RCHY1: variants seen among roughly 807,000 people sequenced by gnomAD.
RCHY1 encodes the protein RING finger and CHY zinc finger domain-containing protein 1.
In RCHY1, 21 loss-of-function variants were observed where a neutral mutation model predicts 41.6. That is an observed-to-expected ratio of 0.51 (90% CI 0.36 to 0.73). The LOEUF is 0.73. Among genes scored for constraint, RCHY1 ranks in the 30% least tolerant of loss-of-function variants. The pLI is 0.00. For missense variants in RCHY1, 265 were observed against 325.3 expected (o/e 0.81, Z 1.43); for synonymous variants, 79 against 102.9 (o/e 0.77, Z 1.41).
rs1013452174 is a variant in RCHY1, at chr4:75,496,544, C to T, written c.327-2365G>A. On this transcript the variant is annotated intron_variant, in intron 3 of 8. Transcript: ENST00000324439. ...TAAAGAATGAGAACAGTACTACTCA[C>T]ACATGGCTAGGAACAGTGCCTGATC... Among the ~76,000 whole-genome samples, 6 of 152,244 alleles carry T rather than the reference C, an allele frequency of 3.9e-5. No individual in the cohort carries two copies. The East Asian group carries it at 9.6e-4, about 24-fold the overall frequency.
At chr4:75,508,096 A>G (rs1277261634) in intron 3 of RCHY1, among the ~76,000 whole-genome samples, 1 of 149,752 alleles carries the variant, frequency 6.7e-6, no homozygotes, top group East Asian at 1.9e-4. Flanking sequence ...TTTTAAAAAA[A>G]CAAAAAAAAC....
At chr4:75,488,135 T>A (rs1367452456) in intron 8 of RCHY1, among the ~76,000 whole-genome samples, 1 of 151,810 alleles carries the variant, frequency 6.6e-6, no homozygotes, top group Non-Finnish European at 1.5e-5. Flanking sequence ...AACCTTTGTG[T>A]TATATTTTTA....
Position 75,479,532 on chromosome 4 carries a change from A to G in RCHY1, c.*3006T>C, listed in dbSNP as rs1721365217. On this transcript the variant is annotated 3_prime_UTR_variant, in exon 9 of 9. Transcript: ENST00000324439. Reference sequence around the variant, plus strand: ...TTGATTTTAAAATCCATGACACTATAAACAAACTACTACTTCCAACATAAG... The same window carrying G: ...TTGATTTTAAAATCCATGACACTATGAACAAACTACTACTTCCAACATAAG... 2 of 152,252 alleles carry G rather than the reference A, an allele frequency of 1.3e-5. No individual in the cohort carries two copies. The highest frequency in any genetic ancestry group is 4.1e-4 in the South Asian group (2 of 4,824). The allele number at this position is 152,252 out of a possible 1,614,324, so 9.4% of individuals were successfully genotyped here.
At position 75,514,271 on chromosome 4, in the gene RCHY1, G is replaced by T; in HGVS notation, c.16C>A (p.Arg6=). 1 of 1,612,362 alleles carries T rather than the reference G, an allele frequency of 6.2e-7. No individual in the cohort carries two copies. The highest frequency in any genetic ancestry group is 8.5e-7 in the Non-Finnish European group (1 of 1,178,622). Residue 6 remains arginine, a synonymous_variant, in exon 1 of 9, where the codon CGG becomes AGG. Coordinates refer to ENST00000324439, the MANE Select transcript of RCHY1 (RefSeq NM_015436.4). MAATA[R]EDGASGQERG... Reference sequence around the variant, plus strand: ...TCTTGACCGCTGGCGCCATCTTCCCGGGCCGTCGCCGCCATCTCCTCCACC... The same window carrying T: ...TCTTGACCGCTGGCGCCATCTTCCCTGGCCGTCGCCGCCATCTCCTCCACC...
chr4:75,511,151 G>A (rs1308132799), intron 1 of RCHY1, among the ~76,000 whole-genome samples: 1 of 152,124 alleles, frequency 6.6e-6, no homozygotes, highest in African/African-American at 2.4e-5. Flanking sequence ...TTTTACTCAT[G>A]CATTGGTCAT....
Position 75,480,167 on chromosome 4 carries a change from C to T in RCHY1, c.*2371G>A, listed in dbSNP as rs1042020555. ...TACCGAAGCCTAGAGACTTTGAGTA[C>T]ATTTGAAAATTGCTTTAAGTGCATG... On this transcript the variant is annotated 3_prime_UTR_variant, in exon 9 of 9. Transcript: ENST00000324439. 6.6e-6 allele frequency: 1 copy of T among 152,100 alleles called. No homozygotes were observed. The highest frequency in any genetic ancestry group is 1.5e-5 in the Non-Finnish European group (1 of 68,022). 9.4% of individuals were successfully genotyped at this position (152,100 alleles called of 1,614,324 possible).
At chr4:75,500,517 C>T (rs1221818735) in intron 3 of RCHY1, among the ~76,000 whole-genome samples, 1 of 152,194 alleles carries the variant, frequency 6.6e-6, no homozygotes, top group Non-Finnish European at 1.5e-5. Context: ...CAAAGATTAT[C>T]TATAACTATA....
intron 3 of RCHY1, among the ~76,000 whole-genome samples, chr4:75,505,589 T>A (rs977233760): frequency 2.6e-5 from 4 of 151,968 alleles, no homozygotes; most frequent in African/African-American, 9.7e-5. Context: ...ATAGGATGAA[T>A]CTTAGAAACA....
intron 2 of RCHY1, 47 bp from the exon 3 acceptor site, chr4:75,508,982 A>G: frequency 2.9e-6 from 4 of 1,379,734 alleles, no homozygotes; most frequent in Non-Finnish European, 4.0e-6. Flanking sequence ...AAACATTTTG[A>G]GTTACCATTT....
chr4:75,501,436 A>T (rs1259951379), intron 3 of RCHY1, among the ~76,000 whole-genome samples: 1 of 152,244 alleles, frequency 6.6e-6, no homozygotes, highest in East Asian at 1.9e-4. Flanking sequence ...TTTTTTAAAA[A>T]TCAAAAGAAC....
chr4:75,497,227 T>G (rs558530556), intron 3 of RCHY1, among the ~76,000 whole-genome samples: 2 of 152,256 alleles, frequency 1.3e-5, no homozygotes, highest in African/African-American at 4.8e-5. Context: ...CTAACATACA[T>G]GTGTTCAGTT....
At chr4:75,514,533 A>G (rs569380332), upstream of RCHY1, 2 of 418,518 alleles carry the variant, frequency 4.8e-6, no homozygotes, top group Admixed American at 7.5e-5. Context: ...AATAACTCTT[A>G]GGTTGCCTGT....
At chr4:75,484,885 G>C (rs572351221) in intron 8 of RCHY1, among the ~76,000 whole-genome samples, 25 of 151,558 alleles carry the variant, frequency 1.6e-4, no homozygotes, top group African/African-American at 5.8e-4. Flanking sequence ...AAAAAAAAAA[G>C]TGCATTTGAA....
chr4:75,502,014 G>C (rs752910850), intron 3 of RCHY1, among the ~76,000 whole-genome samples: 26 of 152,100 alleles, frequency 1.7e-4, no homozygotes, highest in Non-Finnish European at 2.4e-4. Flanking sequence ...AGAGGTTGCG[G>C]TGAGCCAAGA....
intron 3 of RCHY1, among the ~76,000 whole-genome samples, chr4:75,506,691 C>A (rs1222746990): frequency 6.6e-6 from 1 of 150,464 alleles, no homozygotes. Context: ...GGGATGGAGT[C>A]TCAGAAGAGG....
At chr4:75,500,066 G>C (rs1195232049) in intron 3 of RCHY1, among the ~76,000 whole-genome samples, 1 of 152,084 alleles carries the variant, frequency 6.6e-6, no homozygotes, top group African/African-American at 2.4e-5. Context: ...ACATAAACCT[G>C]GGAGGTCAAG....
In RCHY1 at chr4:75,489,548, A is replaced by AGATACTGCAGATT. The variant is rs1553917977; in HGVS notation, c.657+1032_657+1033insAATCTGCAGTATC. Among the ~76,000 whole-genome samples, 592 of 151,634 alleles carry AGATACTGCAGATT rather than the reference A, an allele frequency of 3.9e-3. 1 individual carries two copies. The highest frequency in any genetic ancestry group is 0.014 in the African/African-American group (573 of 41,360). On this transcript the variant is annotated intron_variant, in intron 8 of 8. Coordinates refer to ENST00000324439, the MANE Select transcript of RCHY1 (RefSeq NM_015436.4). Reference sequence around the variant, plus strand: ...GAATTGACTGGATTGCCTTGGTCAAAGATATTGCAGATTGATGGTAATCAG... The same window carrying AGATACTGCAGATT: ...GAATTGACTGGATTGCCTTGGTCAAAGATACTGCAGATTGATATTGCAGATTGATGGTAATCAG...
chr4:75,491,960 C>CA (rs766699336), intron 4 of RCHY1, 27 bp from the exon 5 acceptor site: 126 of 1,549,686 alleles, frequency 8.1e-5, no homozygotes, highest in Non-Finnish European at 1.0e-4. Flanking sequence ...TTCACATTAA[C>CA]AAAAGCTTAA....
chr4:75,506,198 C>G (rs1207639412), intron 3 of RCHY1, among the ~76,000 whole-genome samples: 1 of 150,222 alleles, frequency 6.7e-6, no homozygotes, highest in Non-Finnish European at 1.5e-5. Context: ...GTTATCCATC[C>G]CTACATTAAC....
Sources: allele counts gnomAD v4.1 joint callset (sites outside exome capture counted in the v4.1 genomes callset), GRCh38; gene constraint gnomAD v4.1.1; transcripts MANE v1.5; gene names NCBI Gene and HGNC (gene_info 2026-07-23, HGNC 2026-07-21).